Variants in CACNA2D3 observed in about 807,000 individuals in gnomAD.
CACNA2D3 encodes voltage-dependent calcium channel subunit alpha-2/delta-3.
In CACNA2D3, 60 loss-of-function variants were observed where a neutral mutation model predicts 160.6. The ratio of observed to expected loss-of-function variants is 0.37; its 90% CI spans 0.30 to 0.46. The LOEUF is 0.46. CACNA2D3 is among the 20% of genes least tolerant of loss of function. CACNA2D3 has a pLI of 1.00. For synonymous variants in CACNA2D3, 558 were observed against 492.9 expected, an observed-to-expected ratio of 1.13 and a Z score of -1.75; for missense variants, 1,205 against 1,365.0, an observed-to-expected ratio of 0.88 and a Z score of 1.85.
intron 4 of CACNA2D3, among the ~76,000 whole-genome samples, chr3:54,463,550 T>A (rs927766864): frequency 6.6e-6 from 1 of 152,222 alleles, no homozygotes; most frequent in East Asian, 1.9e-4. Flanking sequence ...ATACCCTTTC[T>A]TCCAGTTGAT....
intron 11 of CACNA2D3, among the ~76,000 whole-genome samples, chr3:54,717,778 TGCATGTGCGTGTGTGGTGTGCGTGTGTGC>T (rs1559557666): frequency 3.3e-5 from 3 of 90,612 alleles, no homozygotes; most frequent in South Asian, 4.1e-4. Context: ...GTGGTGTGTG[TGCATGTGCGTGTGTGGTGTGCGTGTGTGC>T]GCATGTTTGC....
chr3:54,421,805 G>C (rs1699840318), intron 4 of CACNA2D3, among the ~76,000 whole-genome samples: 1 of 152,102 alleles, frequency 6.6e-6, no homozygotes, highest in Non-Finnish European at 1.5e-5. Context: ...CACGTTTCAG[G>C]ATGGTGAGAT....
At chr3:54,440,667 C>T (rs1269813546) in intron 4 of CACNA2D3, among the ~76,000 whole-genome samples, 3 of 152,018 alleles carry the variant, frequency 2.0e-5, no homozygotes, top group South Asian at 2.1e-4. Flanking sequence ...CCCTGGTGTG[C>T]GATATTCCCC....
intron 5 of CACNA2D3, among the ~76,000 whole-genome samples, chr3:54,513,191 G>T (rs1701487329): frequency 6.6e-6 from 1 of 152,086 alleles, no homozygotes; most frequent in Non-Finnish European, 1.5e-5. Flanking sequence ...AAGGACCTGG[G>T]GGCCCTCAGA....
chr3:54,911,479 C>T (rs1301684281), intron 27 of CACNA2D3, among the ~76,000 whole-genome samples: 1 of 150,598 alleles, frequency 6.6e-6, no homozygotes, highest in Non-Finnish European at 1.5e-5. Context: ...CAGGCATGTA[C>T]CCCTGTGCCT....
At chr3:54,346,810 T>G (rs1312185230) in intron 3 of CACNA2D3, among the ~76,000 whole-genome samples, 1 of 152,248 alleles carries the variant, frequency 6.6e-6, no homozygotes, top group African/African-American at 2.4e-5. Flanking sequence ...ATAGTTTGAC[T>G]GCCCTAAAAA....
At chr3:54,677,679 A>G (rs1281507173) in intron 11 of CACNA2D3, among the ~76,000 whole-genome samples, 1 of 151,798 alleles carries the variant, frequency 6.6e-6, no homozygotes, top group African/African-American at 2.4e-5. Flanking sequence ...GTTACAAATC[A>G]TGTTTTATTA....
chr3:54,413,404 A>G (rs1301466389), intron 4 of CACNA2D3, among the ~76,000 whole-genome samples: 3 of 147,172 alleles, frequency 2.0e-5, no homozygotes, highest in Admixed American at 6.8e-5. Flanking sequence ...ATATCTATAT[A>G]TATCTATATA....
intron 4 of CACNA2D3, among the ~76,000 whole-genome samples, chr3:54,414,974 A>G (rs937331245): frequency 1.3e-5 from 2 of 151,978 alleles, no homozygotes; most frequent in African/African-American, 4.8e-5. Flanking sequence ...GTTTCGTTTT[A>G]TTGTTTTTAC....
intron 35 of CACNA2D3, among the ~76,000 whole-genome samples, chr3:55,026,181 A>T (rs887354960): frequency 1.3e-5 from 2 of 152,140 alleles, no homozygotes; most frequent in South Asian, 4.1e-4. Context: ...ACATCATGGA[A>T]TGGTTTTGCC....
At chr3:54,767,161 A>G (rs911281756) in intron 13 of CACNA2D3, among the ~76,000 whole-genome samples, 4 of 152,020 alleles carry the variant, frequency 2.6e-5, no homozygotes, top group Admixed American at 2.6e-4. Context: ...TGTTCTGTGT[A>G]TTCAAAAATT....
intron 2 of CACNA2D3, among the ~76,000 whole-genome samples, chr3:54,236,446 TA>T (rs1414686003): frequency 6.6e-6 from 1 of 152,210 alleles, no homozygotes; most frequent in Non-Finnish European, 1.5e-5. Flanking sequence ...TCTGTAAATC[TA>T]AAACTATTCT....
intron 4 of CACNA2D3, among the ~76,000 whole-genome samples, chr3:54,418,130 T>C (rs1006632179): frequency 6.6e-6 from 1 of 152,162 alleles, no homozygotes; most frequent in Non-Finnish European, 1.5e-5. Flanking sequence ...TTTTGGGTAA[T>C]TTTAAGAACT....
At chr3:54,882,305 T>G (rs1014715628) in intron 21 of CACNA2D3, among the ~76,000 whole-genome samples, 2 of 152,132 alleles carry the variant, frequency 1.3e-5, no homozygotes, top group Non-Finnish European at 2.9e-5. Context: ...TATTAAGAGA[T>G]ATTAACTGCC....
intron 11 of CACNA2D3, among the ~76,000 whole-genome samples, chr3:54,680,509 T>C (rs1029457157): frequency 2.0e-5 from 3 of 152,232 alleles, no homozygotes; most frequent in Admixed American, 6.5e-5. Context: ...AGACTTCTTA[T>C]TCTGTCTGGG....
At chr3:55,021,276 C>T (rs1167416257) in intron 35 of CACNA2D3, among the ~76,000 whole-genome samples, 6 of 151,946 alleles carry the variant, frequency 3.9e-5, no homozygotes, top group Admixed American at 6.6e-5. Context: ...TCTCATTTTT[C>T]GAGGTTATTG....
Position 55,010,708 on chromosome 3 carries a change from G to A in CACNA2D3, c.2875+1265G>A, listed in dbSNP as rs148552963. Among the ~76,000 whole-genome samples the A allele has an allele frequency of 4.4e-3, 667 of 152,246 alleles. 8 individuals carry two copies. Among genetic ancestry groups the A allele is most frequent in the South Asian group, 0.031 (147 of 4,816 alleles). ...CATATCAGCATTGCCCCAGGTGCTGGATCTATTTTAATCTAACATTCCCTT... is the reference window on the plus strand; with the variant it reads ...CATATCAGCATTGCCCCAGGTGCTGAATCTATTTTAATCTAACATTCCCTT... On this transcript the variant is annotated intron_variant, in intron 34 of 37. Transcript: ENST00000474759.
At chr3:54,554,382 A>C (rs1702206777) in intron 5 of CACNA2D3, among the ~76,000 whole-genome samples, 1 of 152,232 alleles carries the variant, frequency 6.6e-6, no homozygotes, top group Non-Finnish European at 1.5e-5. Context: ...CTCAATCAAT[A>C]TTTGTCGAGT....
At chr3:54,797,971 A>G (rs772145762) in intron 13 of CACNA2D3, among the ~76,000 whole-genome samples, 37 of 152,236 alleles carry the variant, frequency 2.4e-4, no homozygotes, top group Non-Finnish European at 4.7e-4. Context: ...TCTGCTTTGT[A>G]ATATTATATT....
Sources: gnomAD v4.1 joint callset for allele counts (sites outside exome capture counted in the v4.1 genomes callset) on GRCh38, gnomAD v4.1.1 for gene constraint, MANE v1.5 for transcripts, NCBI Gene and HGNC (gene_info 2026-07-23, HGNC 2026-07-21) for gene names.